PTN: variants seen among roughly 807,000 people sequenced by gnomAD.
PTN encodes the protein heparin affin regulatory protein.
PTN carries 18 observed loss-of-function variants against 24.1 expected under a neutral mutation model. That is an observed-to-expected ratio of 0.75 (90% CI 0.52 to 1.11). The LOEUF (loss-of-function observed/expected upper bound fraction) is 1.11, where lower values mean the gene tolerates loss of function less well. Among genes scored for constraint, PTN ranks in the 50% least tolerant of loss-of-function variants. PTN has a pLI of 0.00. For missense variants in PTN, 163 were observed against 198.8 expected, an observed-to-expected ratio of 0.82 and a Z score of 1.08; for synonymous variants, 78 against 68.6, an observed-to-expected ratio of 1.14 and a Z score of -0.67.
chr7:137,257,496 A>C (rs1808954867), intron 1 of PTN, among the ~76,000 whole-genome samples: 1 of 152,218 alleles, frequency 6.6e-6, no homozygotes, highest in Non-Finnish European at 1.5e-5. Context: ...CTGGTACATC[A>C]GTGCTACTAT....
At chr7:137,274,159 C>T (rs1327846936) in intron 1 of PTN, among the ~76,000 whole-genome samples, 1 of 152,082 alleles carries the variant, frequency 6.6e-6, no homozygotes, top group Non-Finnish European at 1.5e-5. Flanking sequence ...TTAAGAGAGG[C>T]CTGAGAAGGT....
chr7:137,291,361 A>G (rs1809636797), intron 1 of PTN, among the ~76,000 whole-genome samples: 1 of 152,316 alleles, frequency 6.6e-6, no homozygotes, highest in Admixed American at 6.5e-5. Context: ...TTCATTTCAC[A>G]AAATAATTTG....
At chr7:137,315,444 G>C (rs1810056585) in intron 1 of PTN, among the ~76,000 whole-genome samples, 1 of 152,102 alleles carries the variant, frequency 6.6e-6, no homozygotes, top group Non-Finnish European at 1.5e-5. Flanking sequence ...CTCATCTGTT[G>C]TAACCTCTGG....
chr7:137,340,162 A>G lies in PTN; in HGVS notation c.-2+3277T>C, dbSNP rs541672137. Reference sequence around the variant, plus strand: ...AAATTTTATCCCTAAAAATATCTCAAACATGAAGGAGTCATTGTATTCCTT... The same window carrying G: ...AAATTTTATCCCTAAAAATATCTCAGACATGAAGGAGTCATTGTATTCCTT... On this transcript the variant is annotated intron_variant, in intron 1 of 4. Transcript: ENST00000348225. Among the ~76,000 whole-genome samples, 7 of 152,316 alleles carry G rather than the reference A, an allele frequency of 4.6e-5. No homozygotes were observed. In the South Asian group the frequency reaches 1.2e-3, roughly 27 times the overall value.
At chr7:137,324,991 T>A (rs1810234372) in intron 1 of PTN, among the ~76,000 whole-genome samples, 1 of 151,594 alleles carries the variant, frequency 6.6e-6, no homozygotes, top group Non-Finnish European at 1.5e-5. Flanking sequence ...GATAAAAGAG[T>A]TTTAATTGTA....
chr7:137,330,347 G>A (rs973569253), intron 1 of PTN, among the ~76,000 whole-genome samples: 1 of 152,020 alleles, frequency 6.6e-6, no homozygotes, highest in African/African-American at 2.4e-5. Flanking sequence ...GGAGGAGAAG[G>A]AGAAGGAGAA....
In PTN at chr7:137,341,736, T is replaced by A. The variant is rs147083422; in HGVS notation, c.-2+1703A>T. Among the ~76,000 whole-genome samples, 162 of 151,936 alleles carry A rather than the reference T, an allele frequency of 1.1e-3. 1 individual carries two copies. In the East Asian group the frequency reaches 0.027, roughly 25 times the overall value. On this transcript the variant is annotated intron_variant, in intron 1 of 4. Transcript: ENST00000348225. The stretch of plus-strand genomic sequence containing the variant: ...TTTTCACTAAATGCAGAAAAAGATG[T>A]CCTAAAGGGAACCAGTGAGCAGTGG...
chr7:137,249,711 T>C (rs1808789729), intron 4 of PTN, among the ~76,000 whole-genome samples: 1 of 152,208 alleles, frequency 6.6e-6, no homozygotes, highest in African/African-American at 2.4e-5. Context: ...TGGTTGTCTC[T>C]GGACAAATGA....
intron 1 of PTN, among the ~76,000 whole-genome samples, chr7:137,310,145 C>T (rs1240605987): frequency 1.3e-5 from 2 of 152,276 alleles, no homozygotes; most frequent in Non-Finnish European, 2.9e-5. Flanking sequence ...TCCATCAGAG[C>T]TCTTGGGTGA....
intron 1 of PTN, 130 bp from the exon 2 acceptor site, chr7:137,255,104 A>G (rs1308659349): frequency 2.7e-5 from 15 of 551,512 alleles, no homozygotes; most frequent in Non-Finnish European, 4.5e-5. Context: ...ATTCATATCA[A>G]TTATCTTGGG....
At chr7:137,285,449 T>C (rs1809538058) in intron 1 of PTN, among the ~76,000 whole-genome samples, 1 of 152,120 alleles carries the variant, frequency 6.6e-6, no homozygotes, top group Non-Finnish European at 1.5e-5. Flanking sequence ...GCGGATCACC[T>C]GAGATCAGGA....
At chr7:137,256,962 C>T (rs1023051517) in intron 1 of PTN, among the ~76,000 whole-genome samples, 2 of 152,040 alleles carry the variant, frequency 1.3e-5, no homozygotes, top group African/African-American at 2.4e-5. Context: ...CAGTGAGATA[C>T]CATCTCAAGC....
At chr7:137,269,264 T>C (rs1425969088) in intron 1 of PTN, among the ~76,000 whole-genome samples, 1 of 152,222 alleles carries the variant, frequency 6.6e-6, no homozygotes, top group Admixed American at 6.5e-5. Context: ...CTTTCTCTTT[T>C]GTTTCTATTG....
At chr7:137,233,604 G>A (rs188212344) in intron 4 of PTN, among the ~76,000 whole-genome samples, 129 of 151,964 alleles carry the variant, frequency 8.5e-4, no homozygotes, top group African/African-American at 3.0e-3. Flanking sequence ...GTGCTTTAAA[G>A]TACATATTTA....
intron 1 of PTN, chr7:137,325,288 T>C (rs1160296371): frequency 6.6e-6 from 1 of 152,222 alleles, no homozygotes; most frequent in Non-Finnish European, 1.5e-5. Context: ...CAATATTTAC[T>C]TCCTGAGCAT....
At chr7:137,324,149 T>C (rs1810211074) in intron 1 of PTN, among the ~76,000 whole-genome samples, 1 of 152,038 alleles carries the variant, frequency 6.6e-6, no homozygotes, top group African/African-American at 2.4e-5. Context: ...GTATTTTCAA[T>C]AGATACATGC....
chr7:137,334,743 T>C (rs989240315), intron 1 of PTN, among the ~76,000 whole-genome samples: 7 of 150,602 alleles, frequency 4.6e-5, no homozygotes, highest in African/African-American at 7.3e-5. Flanking sequence ...CACATGCACA[T>C]GTATGTTTAT....
intron 1 of PTN, among the ~76,000 whole-genome samples, chr7:137,271,091 A>C (rs1809264526): frequency 6.6e-6 from 1 of 152,150 alleles, no homozygotes; most frequent in South Asian, 2.1e-4. Context: ...GCATCCACAT[A>C]ATCTTCCTAG....
At chr7:137,228,121 G>A in intron 4 of PTN, 46 bp from the exon 5 acceptor site, 1 of 1,224,284 alleles carries the variant, frequency 8.2e-7, no homozygotes, top group Non-Finnish European at 1.2e-6. Context: ...AGAGAAAAAT[G>A]TCAAGTTACT....
Sources: allele counts gnomAD v4.1 joint callset (sites outside exome capture counted in the v4.1 genomes callset), GRCh38; gene constraint gnomAD v4.1.1; transcripts MANE v1.5; gene names NCBI Gene and HGNC (gene_info 2026-07-23, HGNC 2026-07-21).